Variants in NEK11 observed in about 807,000 individuals in gnomAD.
NEK11 encodes NIMA related kinase 11.
NEK11 carries 72 observed loss-of-function variants against 80.7 expected under a neutral mutation model. The observed-to-expected ratio is 0.89, with a 90% CI of 0.74 to 1.08. The LOEUF is 1.08. Ranked by LOEUF, NEK11 falls within the 50% of genes least tolerant of loss-of-function variation. The pLI, the probability that NEK11 is intolerant of heterozygous loss-of-function variation, is 0.00. For synonymous variants in NEK11, 251 were observed against 260.7 expected (o/e 0.96, Z 0.36); for missense variants, 764 against 763.6 (o/e 1.00, Z -0.01).
intron 14 of NEK11, among the ~76,000 whole-genome samples, chr3:131,188,251 G>T (rs11717900): frequency 0.44 from 66,346 of 151,970 alleles, 16,833 homozygotes; most frequent in Middle Eastern, 0.66. Flanking sequence ...TGATTAAATT[G>T]TATGATTTTA....
intron 16 of NEK11, among the ~76,000 whole-genome samples, chr3:131,249,037 T>C (rs1464647029): frequency 2.0e-5 from 3 of 151,540 alleles, no homozygotes; most frequent in Non-Finnish European, 4.4e-5. Context: ...GAAATGAGCA[T>C]TAGAATCATG....
chr3:131,052,484 G>A (rs963234628), intron 3 of NEK11, among the ~76,000 whole-genome samples: 2 of 152,022 alleles, frequency 1.3e-5, no homozygotes, highest in Admixed American at 1.3e-4. Flanking sequence ...TTTACTATCA[G>A]GGGTGTTTTG....
At chr3:131,256,448 G>T (rs1017022360) in intron 16 of NEK11, among the ~76,000 whole-genome samples, 2 of 151,932 alleles carry the variant, frequency 1.3e-5, no homozygotes, top group African/African-American at 4.8e-5. Flanking sequence ...TCTAACATAG[G>T]TCTTCTACAA....
At chr3:131,240,739 A>C (rs1313503233) in intron 15 of NEK11, among the ~76,000 whole-genome samples, 3 of 152,176 alleles carry the variant, frequency 2.0e-5, no homozygotes, top group Non-Finnish European at 2.9e-5. Flanking sequence ...TTCTGAATGA[A>C]ATACAACTGG....
chr3:131,059,444 C>A (rs989089786), intron 3 of NEK11, among the ~76,000 whole-genome samples: 1 of 152,200 alleles, frequency 6.6e-6, no homozygotes, highest in African/African-American at 2.4e-5. Context: ...TTCATATTTT[C>A]CTGAACTTTA....
At chr3:131,181,049 A>T (rs997682697) in intron 14 of NEK11, among the ~76,000 whole-genome samples, 2 of 152,208 alleles carry the variant, frequency 1.3e-5, no homozygotes, top group Admixed American at 1.3e-4. Flanking sequence ...TGATGTCCTA[A>T]GGCTGTCCTA....
intron 17 of NEK11, among the ~76,000 whole-genome samples, chr3:131,274,508 G>A (rs1282353262): frequency 1.3e-5 from 2 of 151,466 alleles, no homozygotes; most frequent in Non-Finnish European, 2.9e-5. Context: ...GGTATTCCTA[G>A]TTCTAGATCC....
intron 3 of NEK11, among the ~76,000 whole-genome samples, chr3:131,078,611 G>A (rs960390201): frequency 3.3e-5 from 5 of 152,146 alleles, no homozygotes; most frequent in East Asian, 1.9e-4. Flanking sequence ...AGGATATTAC[G>A]GTTCTTCCAT....
chr3:131,065,688 T>C (rs2071793719), intron 3 of NEK11, among the ~76,000 whole-genome samples: 1 of 152,174 alleles, frequency 6.6e-6, no homozygotes, highest in African/African-American at 2.4e-5. Flanking sequence ...ATCTTAGATT[T>C]GAGGATTTGA....
chr3:131,161,380 C>T lies in NEK11; in HGVS notation c.963-1028C>T, dbSNP rs533937911. On this transcript the variant is annotated intron_variant, in intron 10 of 17. Transcript: ENST00000383366. Reference sequence around the variant, plus strand: ...TCATTCTATCATAAAGACACATGCACGCATATGTTCATTGCAGCATTGTTC... The same window carrying T: ...TCATTCTATCATAAAGACACATGCATGCATATGTTCATTGCAGCATTGTTC... 8.5e-5 allele frequency among the ~76,000 whole-genome samples: 13 copies of T among 152,148 alleles called. No individual in the cohort carries two copies. The South Asian group carries it at 2.1e-3, about 24-fold the overall frequency.
intron 17 of NEK11, among the ~76,000 whole-genome samples, chr3:131,276,880 A>C (rs1227236431): frequency 6.6e-6 from 1 of 152,222 alleles, no homozygotes; most frequent in African/African-American, 2.4e-5. Flanking sequence ...GATTCAGGAT[A>C]CAAGCCAGGA....
At chr3:131,222,201 TGAAA>T (rs1325442080) in intron 14 of NEK11, among the ~76,000 whole-genome samples, 4 of 152,128 alleles carry the variant, frequency 2.6e-5, no homozygotes, top group Admixed American at 6.6e-5. Context: ...ACTTATTCAG[TGAAA>T]GAAAGGGGAT....
intron 15 of NEK11, among the ~76,000 whole-genome samples, chr3:131,237,678 G>A (rs1326099805): frequency 6.6e-6 from 1 of 152,018 alleles, no homozygotes; most frequent in Non-Finnish European, 1.5e-5. Flanking sequence ...TGGGAGTAGG[G>A]TTAGGAGTCT....
chr3:131,344,185 C>T (rs1328177399), intron 17 of NEK11, among the ~76,000 whole-genome samples: 1 of 152,156 alleles, frequency 6.6e-6, no homozygotes, highest in East Asian at 1.9e-4. Flanking sequence ...GGCTTTGCTG[C>T]TTAGAAATTT....
intron 3 of NEK11, among the ~76,000 whole-genome samples, chr3:131,066,680 AT>A (rs1577719309): frequency 6.6e-6 from 1 of 151,906 alleles, no homozygotes. Context: ...CTAAAAAAAA[AT>A]AAATACAAAA....
rs1257994172 is a variant in NEK11, at chr3:131,266,150, A to G, written c.1622-7328A>G. On this transcript the variant is annotated intron_variant, in intron 16 of 17. Transcript: ENST00000383366. The stretch of plus-strand genomic sequence containing the variant: ...CTAGCAGTATATCTATTTTGTTGTC[A>G]GTAAACCAACTCCTGGATTCATTGA... 2.7e-5 allele frequency among the ~76,000 whole-genome samples: 4 copies of G among 150,310 alleles called. No homozygotes were observed. In the East Asian group the frequency reaches 5.8e-4, roughly 22 times the overall value.
At chr3:131,133,485 A>G (rs527613554) in intron 6 of NEK11, 13 of 280,658 alleles carry the variant, frequency 4.6e-5, no homozygotes, top group South Asian at 3.2e-4. Context: ...GTGAAATTGT[A>G]TATCATCTTA....
chr3:131,036,396 G>T (rs1463149278), intron 3 of NEK11, among the ~76,000 whole-genome samples: 3 of 152,190 alleles, frequency 2.0e-5, no homozygotes, highest in Admixed American at 6.5e-5. Context: ...AGTGAATTCT[G>T]TTTGGTCTGG....
intron 3 of NEK11, among the ~76,000 whole-genome samples, chr3:131,064,447 A>G (rs923966078): frequency 1.3e-5 from 2 of 151,944 alleles, no homozygotes; most frequent in African/African-American, 2.4e-5. Context: ...CCCTCTCCTT[A>G]TAAGAACAAC....
Sources: allele counts gnomAD v4.1 joint callset (sites outside exome capture counted in the v4.1 genomes callset), GRCh38; gene constraint gnomAD v4.1.1; transcripts MANE v1.5; gene names NCBI Gene and HGNC (gene_info 2026-07-23, HGNC 2026-07-21).